ATXN8OS: variants seen among roughly 807,000 people sequenced by gnomAD.
ATXN8OS encodes the protein ATXN8 opposite strand (non-protein coding).
intron 2 of ATXN8OS, among the ~76,000 whole-genome samples, chr13:70,124,753 A>G (rs1030315219): frequency 3.3e-5 from 5 of 151,982 alleles, no homozygotes; most frequent in African/African-American, 9.7e-5. Flanking sequence ...ATTTTTTTCA[A>G]CCACTAATTA....
At position 70,131,055 on chromosome 13, in the gene ATXN8OS, CTTTGACCAAT is replaced by C. The variant is rs1415067617; in HGVS notation, n.499+1176_499+1185del. ...GTGAAATTCTCAACAGGTGATTATT[CTTTGACCAAT>C]TTTGTCTTATCTCTTATCCACATTC... On this transcript the variant is annotated intron_variant and non_coding_transcript_variant, in intron 3 of 4. Transcript: ENST00000678624. 11 of 398,502 alleles carry C rather than the reference CTTTGACCAAT, an allele frequency of 2.8e-5. No homozygotes were observed. The East Asian group carries it at 3.9e-4, about 14-fold the overall frequency. 24.7% of individuals were successfully genotyped at this position (398,502 alleles called of 1,614,324 possible).
exon 1 of ATXN8OS, chr13:70,108,017 G>A (rs890972753): frequency 1.6e-5 from 7 of 443,046 alleles, no homozygotes; most frequent in East Asian, 3.3e-5. Context: ...GTGTTATGGC[G>A]AGGTGGGACA....
At chr13:70,166,574 G>A (rs11617014) in intron 4 of ATXN8OS, among the ~76,000 whole-genome samples, 35,831 of 151,594 alleles carry the variant, frequency 0.24, 4,612 homozygotes, top group African/African-American at 0.32. Context: ...AGAAGAAAAC[G>A]TAGGCAATAC....
chr13:70,126,114 A>G (rs1483136298), intron 2 of ATXN8OS, among the ~76,000 whole-genome samples: 1 of 152,174 alleles, frequency 6.6e-6, no homozygotes, highest in Non-Finnish European at 1.5e-5. Context: ...GAGTGTCCCC[A>G]ATTCCGCAAT....
At chr13:70,167,739 T>TTTTTC (rs1792938143) in intron 4 of ATXN8OS, among the ~76,000 whole-genome samples, 1 of 111,314 alleles carries the variant, frequency 9.0e-6, no homozygotes, top group Non-Finnish European at 1.8e-5. Context: ...TTTTTTTTTT[T>TTTTTC]TTTTTTTTTT....
chr13:70,141,445 C>G (rs182347656), intron 3 of ATXN8OS, among the ~76,000 whole-genome samples: 36 of 152,176 alleles, frequency 2.4e-4, no homozygotes, highest in African/African-American at 7.9e-4. Context: ...ATATTTTAAT[C>G]TTTCAAATAT....
At chr13:70,167,051 C>G (rs1398049384) in intron 4 of ATXN8OS, among the ~76,000 whole-genome samples, 5 of 152,056 alleles carry the variant, frequency 3.3e-5, no homozygotes, top group East Asian at 3.9e-4. Context: ...AATAGGAACA[C>G]TTTTACACTG....
intron 2 of ATXN8OS, among the ~76,000 whole-genome samples, chr13:70,128,413 C>T (rs1157701517): frequency 2.0e-5 from 3 of 152,056 alleles, no homozygotes; most frequent in African/African-American, 7.2e-5. Context: ...CTTCACTTAA[C>T]TCTGTTGAAG....
At chr13:70,157,065 C>A (rs140220792) in intron 4 of ATXN8OS, among the ~76,000 whole-genome samples, 3 of 151,992 alleles carry the variant, frequency 2.0e-5, no homozygotes, top group African/African-American at 7.2e-5. Flanking sequence ...TTTAATAAAC[C>A]AATGAAAATG....
chr13:70,148,062 G>T (rs1420984888), intron 4 of ATXN8OS, among the ~76,000 whole-genome samples: 1 of 152,148 alleles, frequency 6.6e-6, no homozygotes, highest in South Asian at 2.1e-4. Flanking sequence ...AAGACTGGAA[G>T]AGAGTTGTGG....
intron 1 of ATXN8OS, chr13:70,108,087 G>A (rs1593751598): frequency 2.4e-6 from 1 of 416,620 alleles, no homozygotes; most frequent in Non-Finnish European, 4.2e-6. Flanking sequence ...CTCCGGAGGC[G>A]GCTGCAGCTG....
At chr13:70,147,517 C>T (rs887722016) in intron 4 of ATXN8OS, among the ~76,000 whole-genome samples, 2 of 151,964 alleles carry the variant, frequency 1.3e-5, no homozygotes, top group African/African-American at 4.8e-5. Flanking sequence ...TATGAGTGAT[C>T]GAAATTGAGC....
chr13:70,114,208 C>G (rs1318113406), intron 1 of ATXN8OS, among the ~76,000 whole-genome samples: 1 of 152,114 alleles, frequency 6.6e-6, no homozygotes, highest in African/African-American at 2.4e-5. Flanking sequence ...GCTCACCAGT[C>G]CCAAAGAATA....
intron 2 of ATXN8OS, among the ~76,000 whole-genome samples, chr13:70,120,706 A>C (rs577016138): frequency 1.3e-5 from 2 of 152,316 alleles, no homozygotes; most frequent in South Asian, 4.1e-4. Flanking sequence ...TTTAAATAAA[A>C]TCTGCACATA....
chr13:70,127,751 T>A (rs914383334), intron 2 of ATXN8OS, among the ~76,000 whole-genome samples: 28 of 151,606 alleles, frequency 1.8e-4, no homozygotes, highest in African/African-American at 6.5e-4. Context: ...TCATTAATCA[T>A]GTTATTAAAA....
intron 1 of ATXN8OS, chr13:70,108,350 T>A: frequency 3.9e-6 from 1 of 257,674 alleles, no homozygotes; most frequent in Non-Finnish European, 7.2e-6. Flanking sequence ...GAAGAGGTGG[T>A]TTTATATAGT....
At chr13:70,170,743 C>T (rs1456124666) in exon 5 of ATXN8OS, among the ~76,000 whole-genome samples, 2 of 152,046 alleles carry the variant, frequency 1.3e-5, no homozygotes, top group East Asian at 1.9e-4. Context: ...CATCATTTAA[C>T]GACAACGATA....
In ATXN8OS at chr13:70,143,853, T is replaced by C. The variant is rs141653930; in HGVS notation, n.500-3502T>C. On this transcript the variant is annotated intron_variant and non_coding_transcript_variant, in intron 3 of 4. Coordinates refer to ENST00000678624, the Ensembl canonical transcript of ATXN8OS. The stretch of plus-strand genomic sequence containing the variant: ...TGGAAATTAGTTATTTTTCACAAAG[T>C]GTGTTGACATGGAAATTAATAGCTA... 7.9e-3 allele frequency among the ~76,000 whole-genome samples: 1,204 copies of C among 152,260 alleles called. 14 individuals carry two copies. The highest frequency in any genetic ancestry group is 0.027 in the African/African-American group (1,119 of 41,570).
At chr13:70,156,087 G>A (rs1455754552) in intron 4 of ATXN8OS, among the ~76,000 whole-genome samples, 1 of 151,880 alleles carries the variant, frequency 6.6e-6, no homozygotes, top group Non-Finnish European at 1.5e-5. Context: ...TGAACAGAAA[G>A]AAATTTTTTG....
Sources: allele counts gnomAD v4.1 joint callset (sites outside exome capture counted in the v4.1 genomes callset), GRCh38; gene constraint gnomAD v4.1.1; transcripts MANE v1.5; gene names NCBI Gene and HGNC (gene_info 2026-07-23, HGNC 2026-07-21).